Variants in CLUH observed in about 807,000 individuals in gnomAD.
CLUH encodes clustered mitochondria protein homolog.
CLUH carries 77 observed loss-of-function variants against 139.3 expected under a neutral mutation model. The ratio of observed to expected loss-of-function variants is 0.55; its 90% CI spans 0.46 to 0.67. The LOEUF (loss-of-function observed/expected upper bound fraction) is 0.67. CLUH is among the 30% of genes least tolerant of loss of function. The probability of loss-of-function intolerance (pLI) is 0.00; values close to 1 mark genes in which losing one functional copy is unlikely to be tolerated. For missense variants in CLUH, 1,876 were observed against 1,875.8 expected (o/e 1.00, Z 0.00); for synonymous variants, 999 against 801.6 (o/e 1.25, Z -4.16).
In CLUH at chr17:2,703,529, C is replaced by T. The variant is rs376720062; in HGVS notation, c.304-40G>A. ...CCCCGCCCACCCCGGTGAGAGAGCA[C>T]GTAGCGGGGAGAGAAGGCCCCAACC... On this transcript the variant is annotated intron_variant, in intron 2 of 25. Coordinates refer to ENST00000651024, the MANE Select transcript of CLUH (RefSeq NM_001366661.1). This position sits in a 1 kb window ranked among gnomAD's most constrained non-coding sequence, Gnocchi z 4.2. The T allele has an allele frequency of 3.0e-5, 48 of 1,597,036 alleles. No homozygotes were observed. Among genetic ancestry groups the T allele is most frequent in the African/African-American group, 8.0e-5 (6 of 74,692 alleles).
Position 2,695,401 on chromosome 17 carries a change from C to T in CLUH, c.2517G>A (p.Pro839=), listed in dbSNP as rs200268645. The T allele has an allele frequency of 3.7e-5, 59 of 1,612,712 alleles. No homozygotes were observed. The Admixed American group carries it at 3.8e-4, about 10-fold the overall frequency. The change falls in exon 14 of 26, where the codon CCG becomes CCA. Residue 839 remains proline (P), a synonymous_variant. Coordinates refer to ENST00000651024, the MANE Select transcript of CLUH (RefSeq NM_001366661.1). ...GKVLELVLRS[P]ARHQLDHVFK... ...AGACGTGGTCCAGCTGGTGGCGGGC[C>T]GGGCTCCGCAGCACCAGCTCCAGCA...
chr17:2,694,542 C>A lies in CLUH; in HGVS notation c.2875G>T (p.Glu959Ter). The A allele has an allele frequency of 6.3e-7, 1 of 1,580,798 alleles. No individual in the cohort carries two copies. The highest frequency in any genetic ancestry group is 1.3e-5 in the African/African-American group (1 of 74,406). The change falls in exon 17 of 26, where the codon GAG becomes TAG. Residue 959 changes from glutamate to a stop codon, truncating the protein, a stop_gained. Coordinates refer to ENST00000651024, the MANE Select transcript of CLUH (RefSeq NM_001366661.1). LOFTEE classifies it high-confidence loss of function. Reference sequence around the variant, plus strand: ...GTTATCTTCTGCAGGCCGTAGGTCTCCACAGCCTGGTCCACGGTCTCACTG... The same window carrying A: ...GTTATCTTCTGCAGGCCGTAGGTCTACACAGCCTGGTCCACGGTCTCACTG... ...LECETVDQAV[E>*]TYGLQKITLL...
intron 16 of CLUH, 36 bp downstream of exon 16, chr17:2,694,821 A>AAACCCCCCCCCCCCCCCCCCC: frequency 6.9e-7 from 1 of 1,446,332 alleles, no homozygotes; most frequent in Non-Finnish European, 9.2e-7. Flanking sequence ...CATCTGCCCA[A>AAACCCCCCCCCCCCCCCCCCC]TCCCACCCAC....
intron 1 of CLUH, among the ~76,000 whole-genome samples, chr17:2,708,842 C>G (rs2070426265): frequency 7.3e-6 from 1 of 136,684 alleles, no homozygotes; most frequent in Non-Finnish European, 1.6e-5. Context: ...CCTCCTCGTC[C>G]AGGCCTCAGC....
Position 2,692,557 on chromosome 17 carries a change from G to A in CLUH, c.3438+14C>T, listed in dbSNP as rs777243045. ...GGAGCTGGGTCCCTGCCGCCCCCCC[G>A]CCCCAGCACTCACGTCCAGCAGCGC... On this transcript the variant is annotated intron_variant, in intron 21 of 25. Transcript: ENST00000651024. The A allele has an allele frequency of 1.2e-4, 190 of 1,605,002 alleles. No individual in the cohort carries two copies. Among genetic ancestry groups the A allele is most frequent in the Admixed American group, 7.2e-4 (43 of 59,732 alleles).
In CLUH at chr17:2,701,191, T is replaced by A. The variant is rs201192387; in HGVS notation, c.974A>T (p.Asn325Ile). The A allele has an allele frequency of 1.9e-6, 3 of 1,613,968 alleles. No homozygotes were observed. Among genetic ancestry groups the A allele is most frequent in the East Asian group, 2.2e-5 (1 of 44,882 alleles). The stretch of plus-strand genomic sequence containing the variant: ...CTTCTTGAAGGTCGGGCTGATCTGG[T>A]TGAGCAGCTCCACTAGGGAATGGCT... Reference protein sequence around the residue: ...FLSHSLVELLNQISPTFKKNF... With the variant: ...FLSHSLVELLIQISPTFKKNF... The change falls in exon 7 of 26, where the codon AAC becomes ATC. Residue 325 changes from asparagine to isoleucine, a missense_variant. Asn to Ile is a moderately radical substitution (Grantham distance 149). This residue lies in a region of CLUH where 270 missense variants were observed against 354.7 expected (regional missense o/e 0.76). Coordinates refer to ENST00000651024, the MANE Select transcript of CLUH (RefSeq NM_001366661.1).
intron 16 of CLUH, 35 bp downstream of exon 16, chr17:2,694,822 T>TCCCCCCCCCCCCCC: frequency 2.2e-6 from 3 of 1,346,336 alleles, no homozygotes; most frequent in Non-Finnish European, 3.0e-6. Context: ...ATCTGCCCAA[T>TCCCCCCCCCCCCCC]CCCACCCACC....
chr17:2,700,849 G>A (rs759217120), intron 7 of CLUH, 24 bp from the exon 8 acceptor site: 1 of 1,507,294 alleles, frequency 6.6e-7, no homozygotes. Flanking sequence ...GGGAGGGGGA[G>A]ATGGGGCAGC....
Position 2,694,145 on chromosome 17 carries a change from G to T in CLUH, c.3069C>A (p.Ser1023Arg), listed in dbSNP as rs574404930. 2 of 1,613,458 alleles carry T rather than the reference G, an allele frequency of 1.2e-6. No individual in the cohort carries two copies. Among genetic ancestry groups the T allele is most frequent in the East Asian group, 2.2e-5 (1 of 44,864 alleles). The change falls in exon 18 of 26, where the codon AGC becomes AGA. Residue 1023 changes from serine (S) to arginine (R), a missense_variant. This residue lies in a region of CLUH where 1,454 missense variants were observed against 1,384.4 expected (regional missense o/e 1.05). Transcript: ENST00000651024. ...KASDAFHFFQ[S>R]GQAKVQQGFL... The stretch of plus-strand genomic sequence containing the variant: ...CACCCTGCTGCACTTTGGCCTGCCC[G>T]CTCTGGAAGAAATGGAAGGCATCCG...
intron 1 of CLUH, chr17:2,708,074 G>T: frequency 1.1e-6 from 1 of 915,568 alleles, no homozygotes; most frequent in Non-Finnish European, 1.3e-6. Context: ...CCGCACGGCG[G>T]GGGAGGAGGT....
rs763885566 is a variant in CLUH at position 2,691,981 on chromosome 17, CCCGCCA to C, written c.3654+17_3654+22del. 51,280 of 730,794 alleles carry C rather than the reference CCCGCCA, an allele frequency of 0.07. 2,779 individuals are homozygous for C. The highest frequency in any genetic ancestry group is 0.22 in the African/African-American group (4,811 of 22,372). 45.3% of individuals were successfully genotyped at this position (730,794 alleles called of 1,614,324 possible). A position where few individuals can be genotyped will look rare whatever the true frequency, so the allele number is the denominator to read the frequency against. On this transcript the variant is annotated intron_variant, in intron 23 of 25. Coordinates refer to ENST00000651024, the MANE Select transcript of CLUH (RefSeq NM_001366661.1). The stretch of plus-strand genomic sequence containing the variant: ...GCCACGCCCCCGCCCCGCCCCCGCC[CCCGCCA>C]CGCCCCCGCCGCGCACCTGCGTCTT...
chr17:2,691,435 AC>A, intron 25 of CLUH, 173 bp downstream of exon 25: 1 of 630,616 alleles, frequency 1.6e-6, no homozygotes, highest in East Asian at 2.9e-5. Context: ...GGTGGCGGAC[AC>A]CTGTAATCCC....
intron 20 of CLUH, 40 bp downstream of exon 20, chr17:2,692,740 C>G (rs1295338788): frequency 6.3e-7 from 1 of 1,599,628 alleles, no homozygotes; most frequent in Admixed American, 1.7e-5. Context: ...GCGGACCCAG[C>G]CCCTCGCATC....
At position 2,703,062 on chromosome 17, in the gene CLUH, G is replaced by A. The variant is rs577113483; in HGVS notation, c.475+256C>T. ...GCAAGTCTCCAACTCCTGACCTCAG[G>A]TGATCCACACGCCTTGGCCTCCCAA... On this transcript the variant is annotated intron_variant, in intron 3 of 25. Coordinates refer to ENST00000651024, the MANE Select transcript of CLUH (RefSeq NM_001366661.1). The surrounding 1 kb of genome is among the most constrained non-coding windows in gnomAD (Gnocchi z 4.2). 6.6e-6 allele frequency among the ~76,000 whole-genome samples: 1 copy of A among 152,316 alleles called. No homozygotes were observed. The highest frequency in any genetic ancestry group is 6.5e-5 in the Admixed American group (1 of 15,296).
intron 1 of CLUH, among the ~76,000 whole-genome samples, chr17:2,710,345 A>G (rs1460308555): frequency 4.6e-5 from 7 of 152,228 alleles, no homozygotes; most frequent in African/African-American, 1.7e-4. Flanking sequence ...GACAATCAGC[A>G]GTACTGCCCC....
intron 1 of CLUH, among the ~76,000 whole-genome samples, chr17:2,710,579 G>A (rs142959190): frequency 6.6e-6 from 1 of 152,328 alleles, no homozygotes; most frequent in African/African-American, 2.4e-5. Context: ...GCCACCCAGA[G>A]CAAAGAGGGC....
chr17:2,697,601 G>A (rs1476486208), intron 10 of CLUH, among the ~76,000 whole-genome samples: 1 of 152,054 alleles, frequency 6.6e-6, no homozygotes, highest in Non-Finnish European at 1.5e-5. Context: ...CCACCTGCCC[G>A]CCCCAGCACG....
chr17:2,696,358 A>C, intron 12 of CLUH, 76 bp downstream of exon 12: 1 of 1,511,354 alleles, frequency 6.6e-7, no homozygotes, highest in Non-Finnish European at 9.0e-7. Context: ...CAAACCCACC[A>C]GCCCCAAGGG....
At chr17:2,692,744 T>G (rs1159616915) in intron 20 of CLUH, 36 bp downstream of exon 20, 1 of 1,599,756 alleles carries the variant, frequency 6.3e-7, no homozygotes, top group African/African-American at 1.3e-5. Context: ...ACCCAGCCCC[T>G]CGCATCCCCC....
Sources: allele counts gnomAD v4.1 joint callset (sites outside exome capture counted in the v4.1 genomes callset), GRCh38; gene constraint gnomAD v4.1.1; regional missense constraint gnomAD v4.1.1; non-coding constraint Gnocchi (gnomAD v3.1); transcripts MANE v1.5; gene names NCBI Gene and HGNC (gene_info 2026-07-23, HGNC 2026-07-21).